Variants in CCDC92 observed in about 807,000 individuals in gnomAD.
The protein encoded by CCDC92 is coiled-coil domain-containing protein 92.
Under a neutral mutation model 24.9 loss-of-function variants are expected in CCDC92, and 12 were observed. The observed-to-expected ratio is 0.48, with a 90% CI of 0.31 to 0.78. The LOEUF (loss-of-function observed/expected upper bound fraction) is 0.78, where lower values mean the gene tolerates loss of function less well. CCDC92 is among the 30% of genes least tolerant of loss of function. The pLI, the probability that CCDC92 is intolerant of heterozygous loss-of-function variation, is 0.05. For missense variants in CCDC92, 399 were observed against 439.4 expected, an observed-to-expected ratio of 0.91 and a Z score of 0.82; for synonymous variants, 193 against 196.3, an observed-to-expected ratio of 0.98 and a Z score of 0.14.
chr12:123,939,937 C>T (rs1955635627), intron 4 of CCDC92, among the ~76,000 whole-genome samples: 1 of 152,240 alleles, frequency 6.6e-6, no homozygotes, highest in Non-Finnish European at 1.5e-5. Context: ...TGTCGCAGGG[C>T]CTTTGCTTTC....
intron 1 of CCDC92, among the ~76,000 whole-genome samples, chr12:123,962,269 C>T (rs1005842090): frequency 6.6e-6 from 1 of 152,218 alleles, no homozygotes; most frequent in Non-Finnish European, 1.5e-5. Flanking sequence ...CAAGCTTACT[C>T]TGCTATTCTG....
intron 1 of CCDC92, among the ~76,000 whole-genome samples, chr12:123,967,518 G>A (rs1956421765): frequency 2.0e-5 from 3 of 152,114 alleles, no homozygotes; most frequent in Admixed American, 6.5e-5. Context: ...TGTGACAGCC[G>A]AAGAGAAAGG....
chr12:123,970,589 G>A (rs542490014), intron 1 of CCDC92, among the ~76,000 whole-genome samples: 96 of 152,362 alleles, frequency 6.3e-4, no homozygotes, highest in Admixed American at 2.4e-3. Context: ...TAGCCGGGAT[G>A]AAACTTCAAT....
At chr12:123,965,311 C>T (rs954190712) in intron 1 of CCDC92, among the ~76,000 whole-genome samples, 1 of 152,172 alleles carries the variant, frequency 6.6e-6, no homozygotes, top group African/African-American at 2.4e-5. Context: ...CACAGAAAAG[C>T]AAATTGATCT....
chr12:123,959,041 G>A lies in CCDC92; in HGVS notation c.-60+13488C>T, dbSNP rs1956214518. 3.3e-5 allele frequency among the ~76,000 whole-genome samples: 5 copies of A among 152,210 alleles called. No individual in the cohort carries two copies. The South Asian group carries it at 1.0e-3, about 32-fold the overall frequency. ...CCGCGAGCTATAGCGGCATAGCAGG[G>A]TAGGATTAACCCCCAGGCTCTGGAT... On this transcript the variant is annotated intron_variant, in intron 1 of 4. Transcript: ENST00000238156.
rs113935470 is a variant in CCDC92 at position 123,960,964 on chromosome 12, T to C, written c.-60+11565A>G. 1.3e-4 allele frequency: 20 copies of C among 152,366 alleles called. No homozygotes were observed. The South Asian group carries it at 3.7e-3, about 28-fold the overall frequency. The allele number at this position is 152,366 out of a possible 1,614,324, so 9.4% of individuals were successfully genotyped here. A position where few individuals can be genotyped will look rare whatever the true frequency, so the allele number is the denominator to read the frequency against. The stretch of plus-strand genomic sequence containing the variant: ...AGGCAATCGATTCTCCTTTTAAATA[T>C]GCATCTGGAGGTGAAAGATCAAGCC... On this transcript the variant is annotated intron_variant, in intron 1 of 4. Transcript: ENST00000238156.
In CCDC92 at chr12:123,936,725, T is replaced by G; in HGVS notation, c.*333A>C. 1 of 413,342 alleles carries G rather than the reference T, an allele frequency of 2.4e-6. No homozygotes were observed. The highest frequency in any genetic ancestry group is 4.4e-6 in the Non-Finnish European group (1 of 229,646). The allele number at this position is 413,342 out of a possible 1,614,324, so 25.6% of individuals were successfully genotyped here. A position where few individuals can be genotyped will look rare whatever the true frequency, so the allele number is the denominator to read the frequency against. On this transcript the variant is annotated 3_prime_UTR_variant, in exon 5 of 5. Coordinates refer to ENST00000238156, the MANE Select transcript of CCDC92 (RefSeq NM_025140.3). Reference sequence around the variant, plus strand: ...GTGTTGCTCCGACTTGAGAATGAATTAGGTGTGTGACTGTGTGGCATCGTG... The same window carrying G: ...GTGTTGCTCCGACTTGAGAATGAATGAGGTGTGTGACTGTGTGGCATCGTG...
rs542404594 is a variant in CCDC92, at chr12:123,939,544, C to A, written c.224-1714G>T. 9.3e-4 allele frequency among the ~76,000 whole-genome samples: 141 copies of A among 152,218 alleles called. 1 individual carries two copies. The highest frequency in any genetic ancestry group is 1.5e-3 in the Non-Finnish European group (100 of 68,020). On this transcript the variant is annotated intron_variant, in intron 4 of 4. Coordinates refer to ENST00000238156, the MANE Select transcript of CCDC92 (RefSeq NM_025140.3). ...TTATCTGGACATATCCATGGTAAGTCGAGGAGTGTACTGAATGGGTATTGC... is the reference window on the plus strand; with the variant it reads ...TTATCTGGACATATCCATGGTAAGTAGAGGAGTGTACTGAATGGGTATTGC...
rs1378974328 is a variant in CCDC92, at chr12:123,937,959, G to A, written c.224-129C>T. The A allele has an allele frequency of 1.1e-5, 10 of 908,158 alleles. No homozygotes were observed. Among genetic ancestry groups the A allele is most frequent in the African/African-American group, 8.3e-5 (5 of 60,022 alleles). 56.3% of individuals were successfully genotyped at this position (908,158 alleles called of 1,614,324 possible). A position where few individuals can be genotyped will look rare whatever the true frequency, so the allele number is the denominator to read the frequency against. ...GCTGTGGGGGCCATGCAGAAGGCAGGGCTGTGGGGGCTCTGGAAAGACCCC... is the reference window on the plus strand; with the variant it reads ...GCTGTGGGGGCCATGCAGAAGGCAGAGCTGTGGGGGCTCTGGAAAGACCCC... On this transcript the variant is annotated intron_variant, in intron 4 of 4. Coordinates refer to ENST00000238156, the MANE Select transcript of CCDC92 (RefSeq NM_025140.3). The surrounding 1 kb of genome is among the most constrained non-coding windows in gnomAD (Gnocchi z 8.4).
intron 1 of CCDC92, chr12:123,945,494 A>C (rs994414606): frequency 2.6e-5 from 4 of 152,316 alleles, no homozygotes; most frequent in Admixed American, 1.3e-4. Context: ...CGTGTGGCAC[A>C]CGTGTGCCGC....
rs564874259 is a variant in CCDC92, at chr12:123,957,756, T to C, written c.-59-13392A>G. Reference sequence around the variant, plus strand: ...GGGGGTCTCGCTTTGTCGCCCAGGCTGGAGTGCAATGGTGTGATCTTGGCT... The same window carrying C: ...GGGGGTCTCGCTTTGTCGCCCAGGCCGGAGTGCAATGGTGTGATCTTGGCT... On this transcript the variant is annotated intron_variant, in intron 1 of 4. Coordinates refer to ENST00000238156, the MANE Select transcript of CCDC92 (RefSeq NM_025140.3). Among the ~76,000 whole-genome samples, 9 of 126,742 alleles carry C rather than the reference T, an allele frequency of 7.1e-5. No individual in the cohort carries two copies. The East Asian group carries it at 1.0e-3, about 15-fold the overall frequency. The allele number at this position is 126,742 out of a possible 152,430, so 83.1% of individuals were successfully genotyped here. A position where few individuals can be genotyped will look rare whatever the true frequency, so the allele number is the denominator to read the frequency against.
At chr12:123,952,891 G>A (rs192163209) in intron 1 of CCDC92, among the ~76,000 whole-genome samples, 1 of 152,312 alleles carries the variant, frequency 6.6e-6, no homozygotes, top group Admixed American at 6.5e-5. Flanking sequence ...AAAAACAGGT[G>A]AGGTTGAGAG....
At position 123,952,333 on chromosome 12, in the gene CCDC92, A is replaced by T. The variant is rs187626754; in HGVS notation, c.-59-7969T>A. On this transcript the variant is annotated intron_variant, in intron 1 of 4. Transcript: ENST00000238156. ...AAAGCAAATAGAAGCATTTTCTGGG[A>T]CCTCTATCCTCCATTTTCACTGGAG... 2.6e-5 allele frequency among the ~76,000 whole-genome samples: 4 copies of T among 152,264 alleles called. No homozygotes were observed. In the East Asian group the frequency reaches 7.7e-4, roughly 29 times the overall value.
At chr12:123,972,437 C>G in intron 1 of CCDC92, 92 bp downstream of exon 1, 1 of 151,448 alleles carries the variant, frequency 6.6e-6, no homozygotes, top group Non-Finnish European at 1.5e-5. Flanking sequence ...CCGTCCCTGC[C>G]CGGCCCCTCC....
At chr12:123,955,661 T>TG (rs921161366) in intron 1 of CCDC92, among the ~76,000 whole-genome samples, 16 of 151,876 alleles carry the variant, frequency 1.1e-4, no homozygotes, top group Non-Finnish European at 1.9e-4. Context: ...TTTTTTTTGG[T>TG]GGGGGGGAGA....
chr12:123,939,759 G>A (rs1955629451), intron 4 of CCDC92, among the ~76,000 whole-genome samples: 1 of 152,204 alleles, frequency 6.6e-6, no homozygotes, highest in Admixed American at 6.5e-5. Context: ...CAGTTTCAGA[G>A]GTAGAGAGAG....
At chr12:123,970,124 G>A (rs1318840164) in intron 1 of CCDC92, 1 of 152,158 alleles carries the variant, frequency 6.6e-6, no homozygotes, top group African/African-American at 2.4e-5. Flanking sequence ...GTCTGCGGAT[G>A]TTGCTACGTC....
chr12:123,964,562 G>T (rs1257938014), intron 1 of CCDC92, among the ~76,000 whole-genome samples: 1 of 152,108 alleles, frequency 6.6e-6, no homozygotes, highest in African/African-American at 2.4e-5. Context: ...ATTTGGGAGT[G>T]GGGGTGGGGC....
intron 1 of CCDC92, among the ~76,000 whole-genome samples, chr12:123,948,098 C>T (rs970789616): frequency 1.3e-5 from 2 of 152,166 alleles, no homozygotes; most frequent in South Asian, 2.1e-4. Context: ...CCACCAATTC[C>T]GGACACACTT....
Sources: gnomAD v4.1 joint callset for allele counts (sites outside exome capture counted in the v4.1 genomes callset) on GRCh38, gnomAD v4.1.1 for gene constraint, Gnocchi (gnomAD v3.1) non-coding constraint, MANE v1.5 for transcripts, NCBI Gene and HGNC (gene_info 2026-07-23, HGNC 2026-07-21) for gene names.